The following TRPC4 variants were observed in gnomAD, a reference collection of about 807,000 sequenced individuals.
TRPC4 encodes the protein short transient receptor potential channel 4.
In TRPC4, 49 loss-of-function variants were observed where a neutral mutation model predicts 99.4. That is an observed-to-expected ratio of 0.49 (90% CI 0.39 to 0.63). TRPC4 has a LOEUF of 0.63. Ranked by LOEUF, TRPC4 falls within the 20% of genes least tolerant of loss-of-function variation. TRPC4 has a pLI of 0.00. For synonymous variants in TRPC4, 454 were observed against 425.9 expected, an observed-to-expected ratio of 1.07 and a Z score of -0.81; for missense variants, 898 against 1,152.9, an observed-to-expected ratio of 0.78 and a Z score of 3.20.
chr13:37,865,498 A>G (rs1451535158), intron 1 of TRPC4, among the ~76,000 whole-genome samples: 2 of 151,628 alleles, frequency 1.3e-5, no homozygotes, highest in Non-Finnish European at 3.0e-5. Flanking sequence ...ATAAGAAAGG[A>G]AGTCATTTTG....
intron 1 of TRPC4, among the ~76,000 whole-genome samples, chr13:37,851,664 C>A (rs1193227554): frequency 6.6e-6 from 1 of 152,196 alleles, no homozygotes; most frequent in Non-Finnish European, 1.5e-5. Context: ...AAAGTACCAT[C>A]ACAAGACACA....
At chr13:37,864,034 C>A (rs1038583258) in intron 1 of TRPC4, among the ~76,000 whole-genome samples, 4 of 151,658 alleles carry the variant, frequency 2.6e-5, no homozygotes, top group Non-Finnish European at 5.9e-5. Flanking sequence ...TATCTGAACA[C>A]TTTTCATAAT....
chr13:37,719,884 G>A (rs974443583), intron 3 of TRPC4, among the ~76,000 whole-genome samples: 2 of 152,070 alleles, frequency 1.3e-5, no homozygotes, highest in African/African-American at 2.4e-5. Flanking sequence ...ATTAAAATAT[G>A]TTTTAATGTT....
At chr13:37,708,848 G>T (rs1023193352) in intron 3 of TRPC4, among the ~76,000 whole-genome samples, 1 of 151,428 alleles carries the variant, frequency 6.6e-6, no homozygotes, top group Non-Finnish European at 1.5e-5. Flanking sequence ...TTCCTTCTCC[G>T]TATACATAAA....
intron 8 of TRPC4, among the ~76,000 whole-genome samples, chr13:37,647,790 C>G (rs1951896263): frequency 6.6e-6 from 1 of 152,136 alleles, no homozygotes; most frequent in Admixed American, 6.5e-5. Context: ...ATCTCATTGT[C>G]TTTGTATGTC....
chr13:37,664,339 C>T (rs753274437), intron 5 of TRPC4, among the ~76,000 whole-genome samples: 11 of 151,974 alleles, frequency 7.2e-5, no homozygotes, highest in Non-Finnish European at 1.5e-4. Context: ...TTTGGGAGGC[C>T]GAAGCTGGCG....
intron 3 of TRPC4, among the ~76,000 whole-genome samples, chr13:37,716,796 G>T (rs1954683406): frequency 6.6e-6 from 1 of 151,996 alleles, no homozygotes; most frequent in South Asian, 2.1e-4. Flanking sequence ...TTTAAACTAG[G>T]AAGCTGGAAA....
In TRPC4 at chr13:37,663,420, A is replaced by C. The variant is rs1193466185; in HGVS notation, c.1684T>G (p.Ser562Ala). The C allele has an allele frequency of 1.2e-6, 2 of 1,610,772 alleles. No individual in the cohort carries two copies. Among genetic ancestry groups the C allele is most frequent in the South Asian group, 1.1e-5 (1 of 90,712 alleles). Residue 562 changes from serine (S) to alanine (A), a missense_variant, in exon 6 of 11, where the codon TCA becomes GCA. By Grantham distance (99) the Ser-to-Ala change is moderately conservative. Around this residue, in one of 3 missense-constraint regions of TRPC4, gnomAD observed 274 missense variants for 454.9 expected, o/e 0.60. Coordinates refer to ENST00000379705, the MANE Select transcript of TRPC4 (RefSeq NM_016179.4). ...AGAAATGTCTATTAGACTTACGTTG[A>C]AAATGCATTATTCTGCTTTTCACAT... Reference protein sequence around the residue: ...IRCEKQNNAFSTLFETLQSLF... With the variant: ...IRCEKQNNAFATLFETLQSLF...
chr13:37,643,694 A>G (rs1951790240), intron 8 of TRPC4, among the ~76,000 whole-genome samples: 1 of 152,110 alleles, frequency 6.6e-6, no homozygotes, highest in Admixed American at 6.5e-5. Flanking sequence ...ATTAGCGTGG[A>G]CTCTTAATGT....
chr13:37,738,121 G>A (rs1196973678), intron 3 of TRPC4, among the ~76,000 whole-genome samples: 2 of 152,118 alleles, frequency 1.3e-5, no homozygotes, highest in African/African-American at 4.8e-5. Context: ...CTGTTTTGAA[G>A]ATAGGGGAAA....
rs976747818 is a variant in TRPC4 at position 37,747,488 on chromosome 13, A to G, written c.379-1033T>C. On this transcript the variant is annotated intron_variant, in intron 2 of 10. Coordinates refer to ENST00000379705, the MANE Select transcript of TRPC4 (RefSeq NM_016179.4). ...GGCATTTATGAAAAGTTAATGCTACATAAGGGCAGTTAAACAGGCATGGCA... is the reference window on the plus strand; with the variant it reads ...GGCATTTATGAAAAGTTAATGCTACGTAAGGGCAGTTAAACAGGCATGGCA... Among the ~76,000 whole-genome samples, 7 of 152,142 alleles carry G rather than the reference A, an allele frequency of 4.6e-5. No individual in the cohort carries two copies. In the East Asian group the frequency reaches 9.6e-4, roughly 21 times the overall value.
chr13:37,734,432 G>C (rs543942530), intron 3 of TRPC4, among the ~76,000 whole-genome samples: 1 of 152,152 alleles, frequency 6.6e-6, no homozygotes, highest in African/African-American at 2.4e-5. Context: ...TTATGGAATT[G>C]CGTTTAGAGA....
intron 1 of TRPC4, among the ~76,000 whole-genome samples, chr13:37,842,937 A>C (rs936839991): frequency 6.6e-6 from 1 of 152,236 alleles, no homozygotes; most frequent in Admixed American, 6.5e-5. Context: ...TGAACACTTT[A>C]GCAAATGCTA....
chr13:37,814,130 A>T (rs1176591822), intron 1 of TRPC4, among the ~76,000 whole-genome samples: 1 of 151,874 alleles, frequency 6.6e-6, no homozygotes, highest in Non-Finnish European at 1.5e-5. Context: ...ATTCAACATC[A>T]TTTCACTATA....
chr13:37,804,805 T>C (rs1296153502), intron 1 of TRPC4, among the ~76,000 whole-genome samples: 6 of 152,022 alleles, frequency 3.9e-5, no homozygotes, highest in African/African-American at 1.4e-4. Context: ...AGGATATCCA[T>C]TTTGGAGGTG....
At position 37,637,017 on chromosome 13, in the gene TRPC4, C is replaced by G; in HGVS notation, c.2820G>C (p.Thr940=). 1.2e-6 allele frequency: 2 copies of G among 1,613,668 alleles called. No homozygotes were observed. The highest frequency in any genetic ancestry group is 1.1e-5 in the South Asian group (1 of 91,064). Residue 940 remains threonine (T), a synonymous_variant, in exon 11 of 11, where the codon ACG becomes ACC. Coordinates refer to ENST00000379705, the MANE Select transcript of TRPC4 (RefSeq NM_016179.4). ...FKSEKVVVED[T]VPIIPKEKHA... ...GTTTCTCCTTTGGTATTATAGGAAC[C>G]GTGTCCTCCACCACCACCTTCTCTG...
intron 1 of TRPC4, among the ~76,000 whole-genome samples, chr13:37,853,774 T>C (rs1167431746): frequency 1.3e-5 from 2 of 151,870 alleles, no homozygotes. Context: ...AGTTGAAAAA[T>C]GTAATTCACA....
chr13:37,658,469 TA>T (rs1434361854), intron 6 of TRPC4, among the ~76,000 whole-genome samples: 2 of 152,168 alleles, frequency 1.3e-5, no homozygotes, highest in Non-Finnish European at 2.9e-5. Flanking sequence ...CCCATGGGAC[TA>T]AAACAATGAG....
intron 10 of TRPC4, among the ~76,000 whole-genome samples, chr13:37,638,703 G>A (rs1951611531): frequency 6.6e-6 from 1 of 152,052 alleles, no homozygotes; most frequent in Non-Finnish European, 1.5e-5. Context: ...AACACACAAA[G>A]TTTTTGTTGT....
Sources: gnomAD v4.1 joint callset for allele counts (sites outside exome capture counted in the v4.1 genomes callset) on GRCh38, gnomAD v4.1.1 for gene constraint, gnomAD v4.1.1 regional missense constraint, MANE v1.5 for transcripts, NCBI Gene and HGNC (gene_info 2026-07-23, HGNC 2026-07-21) for gene names.